The following OSBPL6 variants were observed in gnomAD, a reference collection of about 807,000 sequenced individuals.
The protein encoded by OSBPL6 is oxysterol binding protein like 6, also known as oxysterol-binding protein-related protein 6.
A neutral mutation model predicts 125.8 loss-of-function variants in OSBPL6; 49 were observed. That is an observed-to-expected ratio of 0.39 (90% confidence interval 0.31 to 0.49). The LOEUF is 0.49. OSBPL6 is among the 20% of genes least tolerant of loss of function. The pLI is 0.88. For synonymous variants in OSBPL6, 394 were observed against 391.8 expected, an observed-to-expected ratio of 1.01 and a Z score of -0.07; for missense variants, 986 against 1,135.4, an observed-to-expected ratio of 0.87 and a Z score of 1.89.
At chr2:178,236,701 CT>C (rs1409652513) in intron 1 of OSBPL6, among the ~76,000 whole-genome samples, 3 of 152,182 alleles carry the variant, frequency 2.0e-5, no homozygotes, top group African/African-American at 7.2e-5. Context: ...TGCTTGAATT[CT>C]CCCGCCCCCG....
At chr2:178,385,621 G>C in intron 19 of OSBPL6, 100 bp downstream of exon 19, 1 of 903,992 alleles carries the variant, frequency 1.1e-6, no homozygotes, top group Non-Finnish European at 1.7e-6. Context: ...TTCTACCTTT[G>C]GAACTCAGCA....
intron 1 of OSBPL6, among the ~76,000 whole-genome samples, chr2:178,269,439 G>A (rs774633196): frequency 1.2e-4 from 19 of 152,356 alleles, no homozygotes; most frequent in Non-Finnish European, 2.4e-4. Flanking sequence ...GGGTCATAGA[G>A]TATTGGTACC....
Position 178,284,981 on chromosome 2 carries a change from A to G in OSBPL6, c.-296A>G, listed in dbSNP as rs1684564448. 5 of 398,380 alleles carry G rather than the reference A, an allele frequency of 1.3e-5. No individual in the cohort carries two copies. The Admixed American group carries it at 1.3e-4, about 11-fold the overall frequency. 24.7% of individuals were successfully genotyped at this position (398,380 alleles called of 1,614,324 possible). A position where few individuals can be genotyped will look rare whatever the true frequency, so the allele number is the denominator to read the frequency against. On this transcript the variant is annotated 5_prime_UTR_variant, in exon 2 of 25. Transcript: ENST00000190611. ...AGAAGGATATTAAGGAGCCACCCCTATAATTTACCCAGATAGCCCCAGCAA... is the reference window on the plus strand; with the variant it reads ...AGAAGGATATTAAGGAGCCACCCCTGTAATTTACCCAGATAGCCCCAGCAA...
intron 1 of OSBPL6, among the ~76,000 whole-genome samples, chr2:178,235,742 G>T (rs2091030558): frequency 6.6e-6 from 1 of 152,086 alleles, no homozygotes; most frequent in African/African-American, 2.4e-5. Flanking sequence ...GATGCACAGT[G>T]CTTGATAAGT....
intron 12 of OSBPL6, among the ~76,000 whole-genome samples, chr2:178,354,289 G>A (rs1426074653): frequency 1.3e-5 from 2 of 152,122 alleles, no homozygotes; most frequent in African/African-American, 4.8e-5. Flanking sequence ...GACACAGACT[G>A]GCAAATTGGA....
Position 178,306,040 on chromosome 2 carries a change from C to T in OSBPL6, c.-145C>T, listed in dbSNP as rs961695044. The T allele has an allele frequency of 1.8e-6, 1 of 560,454 alleles. No homozygotes were observed. Among genetic ancestry groups the T allele is most frequent in the Non-Finnish European group, 3.2e-6 (1 of 311,484 alleles). The allele number at this position is 560,454 out of a possible 1,614,324, so 34.7% of individuals were successfully genotyped here. On this transcript the variant is annotated 5_prime_UTR_variant, in exon 3 of 25. Transcript: ENST00000190611. ...TTGTTTTGCTTTTAGGTGGTTTGGA[C>T]ACCCTCAATATTGCCTGCTCTTTTC...
At position 178,216,685 on chromosome 2, in the gene OSBPL6, A is replaced by G. The variant is rs574819750; in HGVS notation, c.-351+22011A>G. 3.9e-5 allele frequency among the ~76,000 whole-genome samples: 6 copies of G among 152,356 alleles called. No homozygotes were observed. The South Asian group carries it at 1.2e-3, about 32-fold the overall frequency. The stretch of plus-strand genomic sequence containing the variant: ...GGCTTGAGGAACAGGATATTGGCAT[A>G]GTCTCATAGTGTTTCTCTACAACGT... On this transcript the variant is annotated intron_variant, in intron 1 of 24. Coordinates refer to ENST00000190611, the MANE Select transcript of OSBPL6 (RefSeq NM_032523.4).
chr2:178,283,936 G>A (rs1000965544), intron 1 of OSBPL6, among the ~76,000 whole-genome samples: 6 of 152,244 alleles, frequency 3.9e-5, no homozygotes, highest in Admixed American at 6.5e-5. Flanking sequence ...TGTGGGATCC[G>A]CTCCTGTGAC....
At chr2:178,289,279 G>A (rs189094207) in intron 2 of OSBPL6, among the ~76,000 whole-genome samples, 1 of 152,206 alleles carries the variant, frequency 6.6e-6, no homozygotes, top group Admixed American at 6.5e-5. Context: ...GCCTCCCAGA[G>A]TGCTGGGATT....
chr2:178,302,524 T>A (rs1311665992), intron 2 of OSBPL6, among the ~76,000 whole-genome samples: 1 of 152,212 alleles, frequency 6.6e-6, no homozygotes, highest in Non-Finnish European at 1.5e-5. Context: ...GATTGAAAAT[T>A]GGTTGGAATA....
At position 178,402,320 on chromosome 2, in the gene OSBPL6, G is replaced by C. The variant is rs1327899581; in HGVS notation, c.*6761G>C. The stretch of plus-strand genomic sequence containing the variant: ...TACATTCCTAGAGGCAATCTAACCA[G>C]CCAGATAACCAGAAGTTTACTCTTC... On this transcript the variant is annotated 3_prime_UTR_variant, in exon 25 of 25. Transcript: ENST00000190611. 1 of 152,150 alleles carries C rather than the reference G, an allele frequency of 6.6e-6. No homozygotes were observed. The highest frequency in any genetic ancestry group is 1.5e-5 in the Non-Finnish European group (1 of 68,058). The allele number at this position is 152,150 out of a possible 1,614,324, so 9.4% of individuals were successfully genotyped here.
chr2:178,316,362 A>G (rs1450951496), intron 3 of OSBPL6, among the ~76,000 whole-genome samples: 3 of 152,360 alleles, frequency 2.0e-5, no homozygotes, highest in East Asian at 3.9e-4. Flanking sequence ...AGTTAAAAAA[A>G]TGTTTATCAA....
intron 2 of OSBPL6, among the ~76,000 whole-genome samples, chr2:178,293,775 C>T (rs946777163): frequency 6.6e-6 from 1 of 151,970 alleles, no homozygotes; most frequent in African/African-American, 2.4e-5. Flanking sequence ...ATCCTCACCT[C>T]CCCCCACCCT....
chr2:178,390,948 T>C (rs1575053276), intron 21 of OSBPL6, 125 bp from the exon 22 acceptor site: 1 of 1,265,252 alleles, frequency 7.9e-7, no homozygotes, highest in East Asian at 2.4e-5. Context: ...GTTTTGAGAT[T>C]TCTGTATTTC....
chr2:178,287,469 C>G (rs768704665), intron 2 of OSBPL6, among the ~76,000 whole-genome samples: 3 of 152,188 alleles, frequency 2.0e-5, no homozygotes, highest in Non-Finnish European at 4.4e-5. Flanking sequence ...CCTAGGATCT[C>G]TCAATACTTG....
In OSBPL6 at chr2:178,208,861, A is replaced by C. The variant is rs142827484; in HGVS notation, c.-351+14187A>C. On this transcript the variant is annotated intron_variant, in intron 1 of 24. Transcript: ENST00000190611. ...CCTCCGTTAGCTTCCTGAGAGGGTA[A>C]AATTTTTGAGATCTTAAATGTCTAT... is the stretch of plus-strand genomic sequence containing the variant. Among the ~76,000 whole-genome samples the C allele has an allele frequency of 1.2e-4, 18 of 150,766 alleles. No homozygotes were observed. In the East Asian group the frequency reaches 3.5e-3, roughly 30 times the overall value.
chr2:178,273,829 T>C (rs943338325), intron 1 of OSBPL6, among the ~76,000 whole-genome samples: 6 of 152,132 alleles, frequency 3.9e-5, no homozygotes, highest in Admixed American at 2.0e-4. Context: ...CAGCATACAC[T>C]TATTTTGATT....
intron 2 of OSBPL6, among the ~76,000 whole-genome samples, chr2:178,287,932 A>T (rs923889239): frequency 1.3e-5 from 2 of 151,072 alleles, no homozygotes; most frequent in African/African-American, 4.9e-5. Flanking sequence ...GGGAGGGCTT[A>T]GGAGCTGTTG....
chr2:178,195,308 G>T (rs867382836), intron 1 of OSBPL6, among the ~76,000 whole-genome samples: 1 of 152,240 alleles, frequency 6.6e-6, no homozygotes, highest in Non-Finnish European at 1.5e-5. Flanking sequence ...CACTCCCCCG[G>T]CCAGGGCCAA....
Sources: gnomAD v4.1 joint callset for allele counts (sites outside exome capture counted in the v4.1 genomes callset) on GRCh38, gnomAD v4.1.1 for gene constraint, MANE v1.5 for transcripts, NCBI Gene and HGNC (gene_info 2026-07-23, HGNC 2026-07-21) for gene names.